The following SI variants were observed in gnomAD, a reference collection of about 807,000 sequenced individuals.
SI encodes sucrase-isomaltase, intestinal.
In SI, 235 loss-of-function variants were observed where a neutral mutation model predicts 253.3. That is an observed-to-expected ratio of 0.93 (90% CI 0.83 to 1.03). SI has a LOEUF of 1.03. Ranked by LOEUF, SI falls within the 50% of genes least tolerant of loss-of-function variation. The pLI, the probability that SI is intolerant of heterozygous loss-of-function variation, is 0.00. For missense variants in SI, 2,442 were observed against 2,211.1 expected (o/e 1.10, Z -2.09); for synonymous variants, 819 against 712.0 (o/e 1.15, Z -2.39).
intron 3 of SI, among the ~76,000 whole-genome samples, chr3:165,070,638 T>A (rs1387453993): frequency 6.6e-6 from 1 of 151,948 alleles, no homozygotes; most frequent in Admixed American, 6.6e-5. Flanking sequence ...TAAATACATC[T>A]ATAAACACAC....
intron 45 of SI, among the ~76,000 whole-genome samples, chr3:164,985,078 A>G (rs1415827675): frequency 6.6e-6 from 1 of 152,194 alleles, no homozygotes; most frequent in Non-Finnish European, 1.5e-5. Flanking sequence ...ATCATAGAGA[A>G]ATATTTGGAT....
chr3:164,991,651 A>T (rs1456839470), intron 43 of SI, among the ~76,000 whole-genome samples, 174 bp from the exon 44 acceptor site: 2 of 152,170 alleles, frequency 1.3e-5, no homozygotes, highest in African/African-American at 4.8e-5. Context: ...TTTACTATAT[A>T]TATATCTCAT....
chr3:165,030,890 A>AAG, intron 24 of SI, 23 bp from the exon 25 acceptor site: 1 of 1,519,372 alleles, frequency 6.6e-7, no homozygotes, highest in East Asian at 2.4e-5. Context: ...AAAAAAAAAA[A>AAG]GAAAAAAAGA....
rs190514009 is a variant in SI, at chr3:165,029,236, C to T, written c.2892+1476G>A. On this transcript the variant is annotated intron_variant, in intron 25 of 47. Coordinates refer to ENST00000264382, the MANE Select transcript of SI (RefSeq NM_001041.4). ...AAATTAAAACAACAATGTAATACCA[C>T]CTTACTCCTTCAAGAATGGCCATAA... Among the ~76,000 whole-genome samples the T allele has an allele frequency of 5.3e-5, 8 of 150,710 alleles. No homozygotes were observed. In the East Asian group the frequency reaches 1.4e-3, roughly 26 times the overall value.
Position 164,983,055 on chromosome 3 carries a change from T to C in SI, c.5198-4A>G, listed in dbSNP as rs549717091. ...TATAGGTCTCTTTCATAGGTGTCTGTAGAGAGAGAAAAAAAATGTGATATA... is the reference window on the plus strand; with the variant it reads ...TATAGGTCTCTTTCATAGGTGTCTGCAGAGAGAGAAAAAAAATGTGATATA... On this transcript the variant is annotated splice_region_variant and splice_polypyrimidine_tract_variant and intron_variant, in intron 45 of 47. Transcript: ENST00000264382. 65 of 1,543,010 alleles carry C rather than the reference T, an allele frequency of 4.2e-5. 1 individual carries two copies. The South Asian group carries it at 6.6e-4, about 16-fold the overall frequency.
intron 28 of SI, among the ~76,000 whole-genome samples, chr3:165,019,237 G>A (rs1719186843): frequency 6.6e-6 from 1 of 151,866 alleles, no homozygotes; most frequent in Non-Finnish European, 1.5e-5. Flanking sequence ...TACCTGAGAA[G>A]TAAAAACAAT....
chr3:165,070,366 G>A (rs866136977), intron 3 of SI, among the ~76,000 whole-genome samples: 32 of 141,864 alleles, frequency 2.3e-4, no homozygotes, highest in African/African-American at 8.9e-4. Context: ...ATATATATAT[G>A]TGTGTGTGTG....
intron 40 of SI, among the ~76,000 whole-genome samples, chr3:164,994,864 G>GAAT (rs1478269501): frequency 1.3e-5 from 2 of 151,588 alleles, no homozygotes; most frequent in Admixed American, 1.3e-4. Context: ...GAATACTAAA[G>GAAT]AATACATAGT....
intron 37 of SI, among the ~76,000 whole-genome samples, chr3:165,003,365 T>G (rs1718345341): frequency 6.6e-6 from 1 of 152,000 alleles, no homozygotes; most frequent in Admixed American, 6.6e-5. Context: ...TAAAGTAAAT[T>G]TAGCTGTGGA....
intron 33 of SI, among the ~76,000 whole-genome samples, chr3:165,014,278 T>C (rs1359450327): frequency 1.3e-5 from 2 of 152,186 alleles, no homozygotes; most frequent in African/African-American, 4.8e-5. Context: ...AGACGGAGTC[T>C]CGCTCTGTCC....
chr3:165,046,844 AG>A lies in SI; in HGVS notation c.1883del (p.Pro628LeufsTer62). 6.2e-7 allele frequency: 1 copy of A among 1,611,650 alleles called. No homozygotes were observed. Among genetic ancestry groups the A allele is most frequent in the East Asian group, 2.2e-5 (1 of 44,758 alleles). On this transcript the variant is annotated frameshift_variant, in exon 16 of 48. Coordinates refer to ENST00000264382, the MANE Select transcript of SI (RefSeq NM_001041.4). LOFTEE classifies it high-confidence loss of function. ...GMLEFSLFGI[P>X]LVGADICGFV... ...ACACTCTATGAAACTGTCTTACCAA[AG>A]GTATTCCAAACAAACTGAACTCCAG...
At chr3:165,042,229 C>A (rs1712871944) in intron 17 of SI, among the ~76,000 whole-genome samples, 1 of 152,082 alleles carries the variant, frequency 6.6e-6, no homozygotes, top group Admixed American at 6.6e-5. Flanking sequence ...CTGAAAGTAT[C>A]ATTTCGGTGT....
intron 15 of SI, 24 bp downstream of exon 15, chr3:165,049,103 G>T (rs761571526): frequency 2.5e-6 from 3 of 1,183,304 alleles, no homozygotes; most frequent in Non-Finnish European, 3.8e-6. Flanking sequence ...TATGAAAGAA[G>T]TCTTTGAATG....
chr3:165,071,912 G>A (rs1714603669), intron 3 of SI, among the ~76,000 whole-genome samples: 1 of 152,124 alleles, frequency 6.6e-6, no homozygotes, highest in Non-Finnish European at 1.5e-5. Flanking sequence ...CCATTCTGCG[G>A]AATTTTGTTA....
chr3:165,082,733 T>C (rs1427885637), upstream of SI, among the ~76,000 whole-genome samples: 3 of 151,984 alleles, frequency 2.0e-5, no homozygotes, highest in African/African-American at 7.2e-5. Flanking sequence ...CAGGATGTTT[T>C]ATATACAGTA....
chr3:165,019,608 G>A lies in SI; in HGVS notation c.3417C>T (p.Pro1139=), dbSNP rs150297357. Reference sequence around the variant, plus strand: ...GTCATATGTTGGTACCTACACCAGGGGGTTGGTCTCTTGTGAACATTCCCC... The same window carrying A: ...GTCATATGTTGGTACCTACACCAGGAGGTTGGTCTCTTGTGAACATTCCCC... ...NTWGMFTRDQ[P]PGYKLNSYGF... Residue 1139 remains proline, a synonymous_variant, in exon 28 of 48, where the codon CCC becomes CCT. Transcript: ENST00000264382. 1.9e-6 allele frequency: 3 copies of A among 1,612,158 alleles called. No homozygotes were observed. Among genetic ancestry groups the A allele is most frequent in the Non-Finnish European group, 1.7e-6 (2 of 1,178,756 alleles).
intron 25 of SI, among the ~76,000 whole-genome samples, chr3:165,025,167 T>C (rs970829615): frequency 6.6e-6 from 1 of 151,120 alleles, no homozygotes; most frequent in Non-Finnish European, 1.5e-5. Flanking sequence ...GCTTATTTCG[T>C]TGATGATATC....
rs775470535 is a variant in SI at position 165,049,150 on chromosome 3, G to A, written c.1692C>T (p.Tyr564=). 20 of 1,596,478 alleles carry A rather than the reference G, an allele frequency of 1.3e-5. No homozygotes were observed. Among genetic ancestry groups the A allele is most frequent in the Admixed American group, 3.3e-5 (2 of 59,940 alleles). ...KQYDVHSLYG[Y]SMAIATEQAV... ...ACTGCTCTGTGGCTATAGCCATGCT[G>A]TATCCATAGAGGCTATGAACATCAT... Residue 564 remains tyrosine (Y), a synonymous_variant, in exon 15 of 48, where the codon TAC becomes TAT. Transcript: ENST00000264382.
chr3:164,995,424 T>A (rs1347118757), intron 40 of SI, among the ~76,000 whole-genome samples: 3 of 151,832 alleles, frequency 2.0e-5, no homozygotes, highest in Non-Finnish European at 4.4e-5. Flanking sequence ...AACATGTTGA[T>A]ACACAAGCAT....
Sources: allele counts gnomAD v4.1 joint callset (sites outside exome capture counted in the v4.1 genomes callset), GRCh38; gene constraint gnomAD v4.1.1; transcripts MANE v1.5; gene names NCBI Gene and HGNC (gene_info 2026-07-23, HGNC 2026-07-21).